Variants in FAM210A observed in about 807,000 individuals in gnomAD.
FAM210A encodes family with sequence similarity 210 member A.
Under a neutral mutation model 25.3 loss-of-function variants are expected in FAM210A, and 13 were observed. The ratio of observed to expected loss-of-function variants is 0.51; its 90% CI spans 0.33 to 0.82. The LOEUF (loss-of-function observed/expected upper bound fraction) is 0.82. Ranked by LOEUF, FAM210A falls within the 40% of genes least tolerant of loss-of-function variation. FAM210A has a pLI of 0.02. For missense variants in FAM210A, 319 were observed against 323.2 expected (o/e 0.99, Z 0.10); for synonymous variants, 125 against 118.7 (o/e 1.05, Z -0.35).
chr18:13,666,458 C>G lies in FAM210A; in HGVS notation c.*22G>C. 6.3e-7 allele frequency: 1 copy of G among 1,583,472 alleles called. No homozygotes were observed. The highest frequency in any genetic ancestry group is 8.7e-7 in the Non-Finnish European group (1 of 1,155,876). ...CAAAGGGTTAAAGTGCAGGAATTTT[C>G]TATACTGCTATATAAGGCACCTTAT... On this transcript the variant is annotated 3_prime_UTR_variant, in exon 4 of 4. Transcript: ENST00000651643.
chr18:13,676,311 T>C (rs1055333000), intron 2 of FAM210A, among the ~76,000 whole-genome samples: 1 of 144,364 alleles, frequency 6.9e-6, no homozygotes, highest in African/African-American at 2.5e-5. Flanking sequence ...CCTGGCTTCT[T>C]TATTTCCAGT....
chr18:13,684,955 A>G (rs529677597), intron 1 of FAM210A, among the ~76,000 whole-genome samples: 165 of 148,158 alleles, frequency 1.1e-3, no homozygotes, highest in Non-Finnish European at 2.0e-3. Context: ...ACATACTTCT[A>G]AAAAAAAATC....
chr18:13,698,682 C>G (rs957656921), intron 1 of FAM210A, among the ~76,000 whole-genome samples: 1 of 152,140 alleles, frequency 6.6e-6, no homozygotes, highest in Non-Finnish European at 1.5e-5. Context: ...CATACCATGT[C>G]AGGTAAAGGC....
chr18:13,681,081 T>C (rs149385058), intron 2 of FAM210A, among the ~76,000 whole-genome samples: 108 of 152,288 alleles, frequency 7.1e-4, no homozygotes, highest in African/African-American at 2.2e-3. Flanking sequence ...TATGGCAAAA[T>C]AGACATCTTT....
intron 1 of FAM210A, among the ~76,000 whole-genome samples, chr18:13,690,018 C>A (rs921485822): frequency 6.6e-6 from 1 of 152,314 alleles, no homozygotes. Flanking sequence ...AAAGGGAAGC[C>A]GTGACAGACG....
At chr18:13,709,175 T>C (rs775772852) in intron 1 of FAM210A, among the ~76,000 whole-genome samples, 25 of 152,244 alleles carry the variant, frequency 1.6e-4, no homozygotes, top group Non-Finnish European at 2.9e-4. Flanking sequence ...ACCATATATA[T>C]GGCATCTAGG....
intron 1 of FAM210A, among the ~76,000 whole-genome samples, chr18:13,693,670 A>G (rs1240242787): frequency 1.3e-5 from 2 of 152,260 alleles, no homozygotes; most frequent in Non-Finnish European, 2.9e-5. Context: ...TAGATGCAGA[A>G]AAGGCCTTTG....
chr18:13,696,897 G>T (rs1370138959), intron 1 of FAM210A, among the ~76,000 whole-genome samples: 2 of 152,122 alleles, frequency 1.3e-5, no homozygotes, highest in African/African-American at 4.8e-5. Context: ...TTCACTCACT[G>T]ACTCACCCAG....
intron 1 of FAM210A, chr18:13,687,789 G>A (rs2043609524): frequency 6.6e-6 from 1 of 152,150 alleles, no homozygotes; most frequent in African/African-American, 2.4e-5. Context: ...TTTCTTTCTT[G>A]TTCTACAGCT....
At chr18:13,703,144 T>C (rs1195778339) in intron 1 of FAM210A, among the ~76,000 whole-genome samples, 1 of 152,218 alleles carries the variant, frequency 6.6e-6, no homozygotes, top group African/African-American at 2.4e-5. Flanking sequence ...CTGTACTGTT[T>C]TGCATTGCAA....
At chr18:13,682,787 T>C (rs549803323) in intron 1 of FAM210A, among the ~76,000 whole-genome samples, 6 of 152,258 alleles carry the variant, frequency 3.9e-5, no homozygotes, top group Middle Eastern at 6.8e-3. Flanking sequence ...GAGAATTGCT[T>C]GAACCCAGGA....
intron 2 of FAM210A, among the ~76,000 whole-genome samples, chr18:13,678,733 C>A (rs1032775330): frequency 2.6e-5 from 4 of 152,232 alleles, no homozygotes; most frequent in African/African-American, 9.7e-5. Context: ...GTGCCCACAG[C>A]CAGCCAGGAA....
Position 13,666,433 on chromosome 18 carries a change from C to A in FAM210A, c.*47G>T. On this transcript the variant is annotated 3_prime_UTR_variant, in exon 4 of 4. Transcript: ENST00000651643. ...CACATGTATCTTTGCCCATAGTTTC[C>A]AAAGGGTTAAAGTGCAGGAATTTTC... The A allele has an allele frequency of 6.7e-7, 1 of 1,484,594 alleles. No individual in the cohort carries two copies. The highest frequency in any genetic ancestry group is 9.2e-7 in the Non-Finnish European group (1 of 1,082,010). 92.0% of individuals were successfully genotyped at this position (1,484,594 alleles called of 1,614,324 possible). A position where few individuals can be genotyped will look rare whatever the true frequency, so the allele number is the denominator to read the frequency against.
intron 1 of FAM210A, among the ~76,000 whole-genome samples, chr18:13,688,242 T>C (rs1448656647): frequency 6.6e-6 from 1 of 152,156 alleles, no homozygotes; most frequent in African/African-American, 2.4e-5. Context: ...CTTCCAAACG[T>C]GTGTGCCCGC....
intron 1 of FAM210A, among the ~76,000 whole-genome samples, chr18:13,701,829 G>C (rs1267269030): frequency 5.3e-5 from 8 of 152,186 alleles, no homozygotes; most frequent in Non-Finnish European, 1.2e-4. Flanking sequence ...GTACCAATTG[G>C]CTGACTTTGG....
Position 13,715,095 on chromosome 18 carries a change from CAG to C in FAM210A, c.-29+11232_-29+11233del, listed in dbSNP as rs1311596513. On this transcript the variant is annotated intron_variant, in intron 1 of 3. Coordinates refer to ENST00000651643, the MANE Select transcript of FAM210A (RefSeq NM_152352.4). ...ATACATAAATATTTATTTATTTTTT[CAG>C]AGACAGGGTCTTGCTATTTTGCCCA... 5 of 151,896 alleles carry C rather than the reference CAG, an allele frequency of 3.3e-5. 1 individual carries two copies. Among genetic ancestry groups the C allele is most frequent in the Admixed American group, 2.6e-4 (4 of 15,240 alleles). 9.4% of individuals were successfully genotyped at this position (151,896 alleles called of 1,614,324 possible). A position where few individuals can be genotyped will look rare whatever the true frequency, so the allele number is the denominator to read the frequency against.
At chr18:13,701,044 T>C (rs1005640326) in intron 1 of FAM210A, among the ~76,000 whole-genome samples, 1 of 152,220 alleles carries the variant, frequency 6.6e-6, no homozygotes, top group East Asian at 1.9e-4. Flanking sequence ...AAATCATTCA[T>C]TGCTCAATTA....
chr18:13,707,551 T>A (rs1001142283), intron 1 of FAM210A, among the ~76,000 whole-genome samples: 5 of 152,208 alleles, frequency 3.3e-5, no homozygotes, highest in African/African-American at 1.2e-4. Context: ...ATGATGGTAA[T>A]AGTGACATCA....
chr18:13,689,313 C>T (rs2043623297), intron 1 of FAM210A, among the ~76,000 whole-genome samples: 1 of 152,188 alleles, frequency 6.6e-6, no homozygotes, highest in African/African-American at 2.4e-5. Flanking sequence ...CTGACTGTGA[C>T]ACCTACCTCA....
Sources: allele counts gnomAD v4.1 joint callset (sites outside exome capture counted in the v4.1 genomes callset), GRCh38; gene constraint gnomAD v4.1.1; transcripts MANE v1.5; gene names NCBI Gene and HGNC (gene_info 2026-07-23, HGNC 2026-07-21).